KCNT2: variants seen among roughly 807,000 people sequenced by gnomAD.
KCNT2 encodes potassium channel subfamily T member 2.
KCNT2 carries 67 observed loss-of-function variants against 153.8 expected under a neutral mutation model. The ratio of observed to expected loss-of-function variants is 0.44; its 90% CI spans 0.36 to 0.53. The LOEUF (loss-of-function observed/expected upper bound fraction) is 0.53. Ranked by LOEUF, KCNT2 falls within the 20% of genes least tolerant of loss-of-function variation. KCNT2 has a pLI of 0.00. For missense variants in KCNT2, 975 were observed against 1,354.8 expected, an observed-to-expected ratio of 0.72 and a Z score of 4.40; for synonymous variants, 500 against 458.8, an observed-to-expected ratio of 1.09 and a Z score of -1.15.
intron 1 of KCNT2, among the ~76,000 whole-genome samples, chr1:196,557,779 C>T (rs970090561): frequency 2.6e-5 from 4 of 151,268 alleles, no homozygotes; most frequent in African/African-American, 9.7e-5. Flanking sequence ...TGTGAATAAG[C>T]TCATGTAATT....
At chr1:196,431,403 G>A (rs967126454) in intron 8 of KCNT2, among the ~76,000 whole-genome samples, 1 of 152,104 alleles carries the variant, frequency 6.6e-6, no homozygotes, top group African/African-American at 2.4e-5. Flanking sequence ...CAATTTTGGT[G>A]AAGGCTCAGA....
At chr1:196,479,296 C>A in intron 4 of KCNT2, 58 bp from the exon 5 acceptor site, 2 of 954,136 alleles carry the variant, frequency 2.1e-6, no homozygotes, top group South Asian at 2.8e-5. Flanking sequence ...TATATATATT[C>A]TTGGCTATAC....
chr1:196,415,420 C>T (rs1284771997), intron 12 of KCNT2, among the ~76,000 whole-genome samples: 1 of 151,816 alleles, frequency 6.6e-6, no homozygotes, highest in South Asian at 2.1e-4. Flanking sequence ...TACCAAGCAA[C>T]GTGGTGTCCT....
intron 1 of KCNT2, among the ~76,000 whole-genome samples, chr1:196,529,727 T>A (rs1654697416): frequency 6.6e-6 from 1 of 152,090 alleles, no homozygotes; most frequent in African/African-American, 2.4e-5. Flanking sequence ...AGTGTACTGG[T>A]TAACATGATT....
At chr1:196,502,238 A>G (rs1680763691) in intron 1 of KCNT2, among the ~76,000 whole-genome samples, 1 of 152,194 alleles carries the variant, frequency 6.6e-6, no homozygotes, top group Admixed American at 6.5e-5. Flanking sequence ...AATTTTTCCT[A>G]AGATATTTCC....
At chr1:196,562,008 A>G (rs1659478563) in intron 1 of KCNT2, among the ~76,000 whole-genome samples, 1 of 151,942 alleles carries the variant, frequency 6.6e-6, no homozygotes, top group Non-Finnish European at 1.5e-5. Flanking sequence ...CTTAATATGC[A>G]GATGAGTCTT....
chr1:196,324,106 C>T (rs1031164884), intron 19 of KCNT2, among the ~76,000 whole-genome samples: 2 of 151,750 alleles, frequency 1.3e-5, no homozygotes, highest in African/African-American at 4.8e-5. Flanking sequence ...ACACAGAAAG[C>T]TAACAGATTT....
At chr1:196,548,123 A>T (rs1271421847) in intron 1 of KCNT2, among the ~76,000 whole-genome samples, 5 of 150,796 alleles carry the variant, frequency 3.3e-5, no homozygotes, top group African/African-American at 1.2e-4. Context: ...TAACTAAAAA[A>T]TAAAAATAGT....
At chr1:196,569,372 T>G (rs1357322928) in intron 1 of KCNT2, among the ~76,000 whole-genome samples, 1 of 152,204 alleles carries the variant, frequency 6.6e-6, no homozygotes, top group African/African-American at 2.4e-5. Flanking sequence ...TGTCTGTTCC[T>G]ATTTTTAAAA....
At chr1:196,588,723 G>A (rs1662984159) in intron 1 of KCNT2, among the ~76,000 whole-genome samples, 1 of 151,878 alleles carries the variant, frequency 6.6e-6, no homozygotes, top group Non-Finnish European at 1.5e-5. Context: ...ATGATTTATA[G>A]AAGTTGTATA....
rs370748571 is a variant in KCNT2, at chr1:196,498,138, G to A, written c.96-5797C>T. Among the ~76,000 whole-genome samples the A allele has an allele frequency of 1.1e-3, 160 of 151,516 alleles. 1 individual carries two copies. The highest frequency in any genetic ancestry group is 3.2e-3 in the African/African-American group (130 of 41,266). On this transcript the variant is annotated intron_variant, in intron 1 of 27. Transcript: ENST00000294725. ...CTTGAGTTCAATGTAAAATTTACCC[G>A]GAATCTTGTTAAAATGCAATTTTCC... is the stretch of plus-strand genomic sequence containing the variant.
intron 13 of KCNT2, among the ~76,000 whole-genome samples, chr1:196,383,126 G>A (rs1669649731): frequency 6.6e-6 from 1 of 152,146 alleles, no homozygotes; most frequent in Admixed American, 6.5e-5. Flanking sequence ...TGAGGCACAG[G>A]AAGACTCTAA....
chr1:196,439,157 T>C (rs1028855704), intron 8 of KCNT2, among the ~76,000 whole-genome samples: 1 of 151,902 alleles, frequency 6.6e-6, no homozygotes, highest in African/African-American at 2.4e-5. Flanking sequence ...TGCCTTACCG[T>C]GATTTAGTTT....
chr1:196,594,278 A>C (rs1417418818), intron 1 of KCNT2, among the ~76,000 whole-genome samples: 1 of 152,162 alleles, frequency 6.6e-6, no homozygotes, highest in Non-Finnish European at 1.5e-5. Flanking sequence ...TGTGAATATT[A>C]AATTAGATGT....
intron 1 of KCNT2, among the ~76,000 whole-genome samples, chr1:196,546,711 C>A (rs1244211559): frequency 6.6e-6 from 1 of 151,976 alleles, no homozygotes; most frequent in Admixed American, 6.6e-5. Context: ...AAAATCTACA[C>A]ACACAGATAA....
intron 11 of KCNT2, among the ~76,000 whole-genome samples, chr1:196,425,325 C>T (rs865790155): frequency 6.6e-6 from 1 of 151,930 alleles, no homozygotes; most frequent in Admixed American, 6.6e-5. Flanking sequence ...CTAAGTAAGT[C>T]CTGTCACCTT....
chr1:196,272,182 A>G (rs1208954808), intron 25 of KCNT2, among the ~76,000 whole-genome samples: 1 of 151,956 alleles, frequency 6.6e-6, no homozygotes, highest in Non-Finnish European at 1.5e-5. Context: ...ATAATTGGAT[A>G]AGTGACTTGT....
intron 15 of KCNT2, 48 bp from the exon 16 acceptor site, chr1:196,340,618 G>A (rs1436490613): frequency 8.9e-7 from 1 of 1,117,638 alleles, no homozygotes; most frequent in Admixed American, 2.4e-5. Flanking sequence ...GTAAATTATT[G>A]TAAGGCTGAG....
At chr1:196,452,903 T>C (rs1392030256) in intron 8 of KCNT2, among the ~76,000 whole-genome samples, 5 of 151,834 alleles carry the variant, frequency 3.3e-5, no homozygotes, top group Admixed American at 2.6e-4. Context: ...GCAGTCTGCC[T>C]TACTCTACTA....
Sources: gnomAD v4.1 joint callset for allele counts (sites outside exome capture counted in the v4.1 genomes callset) on GRCh38, gnomAD v4.1.1 for gene constraint, MANE v1.5 for transcripts, NCBI Gene and HGNC (gene_info 2026-07-23, HGNC 2026-07-21) for gene names.